Variants in TENT4B observed in about 807,000 individuals in gnomAD.
The protein encoded by TENT4B is PAP associated domain containing 5.
Under a neutral mutation model 75.0 loss-of-function variants are expected in TENT4B, and 10 were observed. That is an observed-to-expected ratio of 0.13 (90% CI 0.08 to 0.23). The LOEUF is 0.23. Among genes scored for constraint, TENT4B ranks in the 10% least tolerant of loss-of-function variants. The probability of loss-of-function intolerance (pLI) is 1.00; values close to 1 mark genes in which losing one functional copy is unlikely to be tolerated. For missense variants in TENT4B, 579 were observed against 893.8 expected (o/e 0.65, Z 4.49); for synonymous variants, 350 against 357.7 (o/e 0.98, Z 0.24).
At chr16:50,191,926 A>G (rs1188264011) in intron 1 of TENT4B, among the ~76,000 whole-genome samples, 1 of 151,666 alleles carries the variant, frequency 6.6e-6, no homozygotes, top group African/African-American at 2.4e-5. Context: ...TCTCAAAAAA[A>G]CAAACAAACA....
intron 6 of TENT4B, 34 bp downstream of exon 6, chr16:50,222,468 C>T: frequency 1.9e-6 from 3 of 1,597,306 alleles, no homozygotes; most frequent in Non-Finnish European, 2.6e-6. Context: ...CTAGTGCACA[C>T]TAAAAGCAAA....
chr16:50,223,233 A>G lies in TENT4B; in HGVS notation c.1227A>G (p.Glu409=). 2 of 1,613,822 alleles carry G rather than the reference A, an allele frequency of 1.2e-6. No individual in the cohort carries two copies. Among genetic ancestry groups the G allele is most frequent in the Non-Finnish European group, 1.7e-6 (2 of 1,179,780 alleles). The change falls in exon 7 of 12, where the codon GAA becomes GAG. Residue 409 remains glutamate, a synonymous_variant. Coordinates refer to ENST00000561678, the MANE Select transcript of TENT4B (RefSeq NM_001365324.3). The stretch of plus-strand genomic sequence containing the variant: ...CAAACTATGGTGTTCTCTTAATAGA[A>G]TTTTTTGAATTATATGGACGACACT... The part of the protein sequence containing the change: ...PNTNYGVLLI[E]FFELYGRHFN...
At chr16:50,172,508 C>CTTT (rs35688042) in intron 1 of TENT4B, among the ~76,000 whole-genome samples, 18 of 143,726 alleles carry the variant, frequency 1.3e-4, no homozygotes, top group South Asian at 8.9e-4. Flanking sequence ...GAATTTATTA[C>CTTT]TTTTTTTTTT....
At chr16:50,211,479 A>G in intron 2 of TENT4B, 33 bp downstream of exon 2, 22 of 1,538,612 alleles carry the variant, frequency 1.4e-5, no homozygotes, top group Non-Finnish European at 1.9e-5. Flanking sequence ...TATGCTTCGG[A>G]CAGTCCTTGT....
At chr16:50,169,131 C>G (rs1241184107) in intron 1 of TENT4B, among the ~76,000 whole-genome samples, 3 of 152,112 alleles carry the variant, frequency 2.0e-5, no homozygotes, top group East Asian at 3.9e-4. Flanking sequence ...AAAGTTTGCT[C>G]AAATCAAAAT....
chr16:50,217,847 C>T (rs2031641540), intron 5 of TENT4B, among the ~76,000 whole-genome samples, 184 bp downstream of exon 5: 1 of 151,262 alleles, frequency 6.6e-6, no homozygotes, highest in African/African-American at 2.4e-5. Flanking sequence ...CCCGCTGCAG[C>T]CTCAAACTCC....
chr16:50,222,575 T>A (rs762502393), intron 6 of TENT4B, 141 bp downstream of exon 6: 3 of 849,926 alleles, frequency 3.5e-6, no homozygotes, highest in Non-Finnish European at 5.3e-6. Context: ...CCCTTTAAAC[T>A]GGGTACATTT....
At position 50,228,014 on chromosome 16, in the gene TENT4B, CG is replaced by C; in HGVS notation, c.1965+12del. 6.2e-7 allele frequency: 1 copy of C among 1,610,996 alleles called. No individual in the cohort carries two copies. ...ACCAACAAATCTCAGGTGTGTGGAACGTGGGTTTTTAATTGTTAGTATTTGA... is the reference window on the plus strand; with the variant it reads ...ACCAACAAATCTCAGGTGTGTGGAACTGGGTTTTTAATTGTTAGTATTTGA... On this transcript the variant is annotated intron_variant, in intron 11 of 11. Transcript: ENST00000561678.
intron 1 of TENT4B, among the ~76,000 whole-genome samples, chr16:50,190,695 T>G (rs1319074696): frequency 6.6e-6 from 1 of 152,092 alleles, no homozygotes; most frequent in African/African-American, 2.4e-5. Flanking sequence ...TTTAAAACAT[T>G]ATAGTAGAAT....
intron 10 of TENT4B, among the ~76,000 whole-genome samples, chr16:50,226,328 G>A (rs927985033): frequency 2.0e-5 from 3 of 152,036 alleles, no homozygotes; most frequent in Admixed American, 6.6e-5. Flanking sequence ...AGTTTTGCCT[G>A]TTTCAGAATT....
At chr16:50,221,133 A>G (rs1179794042) in intron 5 of TENT4B, among the ~76,000 whole-genome samples, 1 of 152,060 alleles carries the variant, frequency 6.6e-6, no homozygotes, top group African/African-American at 2.4e-5. Flanking sequence ...CAAAAATACA[A>G]AAATTAGCTG....
chr16:50,231,067 A>G lies in TENT4B; in HGVS notation c.*1739A>G. ...CTAAAGTAAGACCAAAACTGATGTC[A>G]TCACTGAAATTAACAATTTTCAATA... is the stretch of plus-strand genomic sequence containing the variant. On this transcript the variant is annotated 3_prime_UTR_variant, in exon 12 of 12. Transcript: ENST00000561678. 3.1e-6 allele frequency: 3 copies of G among 983,254 alleles called. No homozygotes were observed. Among genetic ancestry groups the G allele is most frequent in the Non-Finnish European group, 3.6e-6 (3 of 827,492 alleles). The allele number at this position is 983,254 out of a possible 1,614,324, so 60.9% of individuals were successfully genotyped here. A position where few individuals can be genotyped will look rare whatever the true frequency, so the allele number is the denominator to read the frequency against.
At chr16:50,180,438 T>A (rs1198239674) in intron 1 of TENT4B, among the ~76,000 whole-genome samples, 2 of 152,126 alleles carry the variant, frequency 1.3e-5, no homozygotes, top group African/African-American at 4.8e-5. Flanking sequence ...CCAGTTGCGG[T>A]GGTTCATGCC....
chr16:50,153,492 A>G lies in TENT4B; in HGVS notation c.-130A>G, dbSNP rs1200697676. 1.1e-5 allele frequency: 11 copies of G among 969,776 alleles called. No homozygotes were observed. The highest frequency in any genetic ancestry group is 2.4e-4 in the East Asian group (2 of 8,488). 60.1% of individuals were successfully genotyped at this position (969,776 alleles called of 1,614,324 possible). On this transcript the variant is annotated 5_prime_UTR_variant, in exon 1 of 12. Transcript: ENST00000561678. ...GCGCCGCCCGCGGCGGGCCCCGAGCAGCAGCAGCAGCAGCAGCGGCAGCAG... is the reference window on the plus strand; with the variant it reads ...GCGCCGCCCGCGGCGGGCCCCGAGCGGCAGCAGCAGCAGCAGCGGCAGCAG...
In TENT4B at chr16:50,233,002, C is replaced by G; in HGVS notation, c.*3674C>G. ...TAATGAACAGAAGAATTTATTCTTA[C>G]CCATCTATTCTTGTTCTCCTAGTTC... On this transcript the variant is annotated 3_prime_UTR_variant, in exon 12 of 12. Coordinates refer to ENST00000561678, the MANE Select transcript of TENT4B (RefSeq NM_001365324.3). The G allele has an allele frequency of 1.6e-5, 16 of 983,826 alleles. No homozygotes were observed. Among genetic ancestry groups the G allele is most frequent in the Non-Finnish European group, 1.9e-5 (16 of 828,524 alleles). 60.9% of individuals were successfully genotyped at this position (983,826 alleles called of 1,614,324 possible).
intron 5 of TENT4B, among the ~76,000 whole-genome samples, chr16:50,218,888 C>T (rs2031696281): frequency 1.3e-5 from 2 of 152,162 alleles, no homozygotes; most frequent in Admixed American, 6.5e-5. Context: ...CTAACCTAAG[C>T]CATTAACTCC....
At chr16:50,196,195 T>C (rs2030228538) in intron 1 of TENT4B, among the ~76,000 whole-genome samples, 1 of 152,222 alleles carries the variant, frequency 6.6e-6, no homozygotes, top group Admixed American at 6.5e-5. Context: ...CAAAGAATTA[T>C]AGAAAATATC....
Position 50,200,921 on chromosome 16 carries a change from C to T in TENT4B, c.639-10402C>T, listed in dbSNP as rs116396364. 5.9e-3 allele frequency among the ~76,000 whole-genome samples: 890 copies of T among 151,992 alleles called. 8 individuals are homozygous for T. The highest frequency in any genetic ancestry group is 0.02 in the African/African-American group (822 of 41,456). On this transcript the variant is annotated intron_variant, in intron 1 of 11. Transcript: ENST00000561678. ...AAGCAATCCTCTTGCCTCAGCCTTCCGAGTAGCTGGGACTATAGGCACACA... is the reference window on the plus strand; with the variant it reads ...AAGCAATCCTCTTGCCTCAGCCTTCTGAGTAGCTGGGACTATAGGCACACA...
At position 50,225,236 on chromosome 16, in the gene TENT4B, C is replaced by T; in HGVS notation, c.1751C>T (p.Ser584Leu). The T allele has an allele frequency of 6.2e-7, 1 of 1,613,950 alleles. No individual in the cohort carries two copies. The highest frequency in any genetic ancestry group is 8.5e-7 in the Non-Finnish European group (1 of 1,179,846). Residue 584 changes from serine (S) to leucine (L), a missense_variant, in exon 10 of 12, where the codon TCA (serine) becomes TTA (leucine). Physicochemically the swap from Ser to Leu is moderately radical, Grantham distance 145 (BLOSUM62 -2). Transcript: ENST00000561678. ...AGTAAACACTCTTCAAACTCTTCAT[C>T]AGGTCCAGTGTCGTCCTCTTCTGCC... ...SLSKHSSNSS[S>L]GPVSSSSATQ... is the part of the protein sequence containing the mutation.
Sources: allele counts gnomAD v4.1 joint callset (sites outside exome capture counted in the v4.1 genomes callset), GRCh38; gene constraint gnomAD v4.1.1; transcripts MANE v1.5; gene names NCBI Gene and HGNC (gene_info 2026-07-23, HGNC 2026-07-21).